Variants in ARHGEF28 observed in about 807,000 individuals in gnomAD.
ARHGEF28 encodes Rho guanine nucleotide exchange factor 28.
Under a neutral mutation model 206.6 loss-of-function variants are expected in ARHGEF28, and 152 were observed. The observed-to-expected ratio is 0.74, with a 90% CI of 0.64 to 0.84. ARHGEF28 has a LOEUF of 0.84. ARHGEF28 is among the 40% of genes least tolerant of loss of function. The pLI, the probability that ARHGEF28 is intolerant of heterozygous loss-of-function variation, is 0.00. For synonymous variants in ARHGEF28, 763 were observed against 776.4 expected (o/e 0.98, Z 0.29); for missense variants, 2,028 against 2,073.2 (o/e 0.98, Z 0.42).
rs548299111 is a variant in ARHGEF28, at chr5:73,838,783, C to A, written c.1147-1697C>A. ...ACATGGATAGTTTCTTACGTAAGCA[C>A]AGTACAGTTACCAAAATCATAAAAT... is the stretch of plus-strand genomic sequence containing the variant. On this transcript the variant is annotated intron_variant, in intron 10 of 35. Coordinates refer to ENST00000513042, the MANE Select transcript of ARHGEF28 (RefSeq NM_001177693.2). Among the ~76,000 whole-genome samples the A allele has an allele frequency of 1.8e-4, 28 of 152,268 alleles. No homozygotes were observed. In the Middle Eastern group the frequency reaches 0.014, roughly 74 times the overall value.
At chr5:73,868,859 C>T (rs1285413382) in intron 20 of ARHGEF28, among the ~76,000 whole-genome samples, 1 of 152,186 alleles carries the variant, frequency 6.6e-6, no homozygotes, top group Admixed American at 6.5e-5. Context: ...ATTGGCCAGG[C>T]TGGTCTTGAA....
chr5:73,880,509 G>T (rs982507128), intron 22 of ARHGEF28, among the ~76,000 whole-genome samples: 5 of 152,210 alleles, frequency 3.3e-5, no homozygotes, highest in African/African-American at 1.2e-4. Flanking sequence ...GAAATCACCC[G>T]TCTTCTGCGT....
At chr5:73,716,585 G>C (rs933260152) in intron 2 of ARHGEF28, among the ~76,000 whole-genome samples, 3 of 152,176 alleles carry the variant, frequency 2.0e-5, no homozygotes, top group African/African-American at 7.2e-5. Flanking sequence ...CTGAGCTCAG[G>C]CCACTGTGTG....
intron 9 of ARHGEF28, among the ~76,000 whole-genome samples, chr5:73,808,380 A>G (rs1755638669): frequency 6.6e-6 from 1 of 152,202 alleles, no homozygotes; most frequent in South Asian, 2.1e-4. Context: ...TGTTTCTACC[A>G]TGCTTCTCAG....
chr5:73,920,467 T>C (rs1412965816), intron 35 of ARHGEF28, among the ~76,000 whole-genome samples: 1 of 152,098 alleles, frequency 6.6e-6, no homozygotes, highest in Non-Finnish European at 1.5e-5. Flanking sequence ...CTTGGATACG[T>C]GTGCAGAACA....
chr5:73,703,659 G>GTA (rs1383507971), intron 2 of ARHGEF28, among the ~76,000 whole-genome samples: 1 of 148,308 alleles, frequency 6.7e-6, no homozygotes, highest in Admixed American at 6.7e-5. Context: ...GTGTGTGTGT[G>GTA]TGTGTGTGTG....
chr5:73,762,697 T>TG (rs1261677618), intron 4 of ARHGEF28, among the ~76,000 whole-genome samples: 1 of 152,184 alleles, frequency 6.6e-6, no homozygotes, highest in Non-Finnish European at 1.5e-5. Context: ...TTGATTTTTT[T>TG]TTGTTGTTGG....
At position 73,882,490 on chromosome 5, in the gene ARHGEF28, A is replaced by C. The variant is rs1246369560; in HGVS notation, c.2833A>C (p.Ser945Arg). Residue 945 changes from serine (S) to arginine (R), a missense_variant, in exon 23 of 36, where the codon AGT (serine) becomes CGT (arginine). Around this residue, in one of 3 missense-constraint regions of ARHGEF28, gnomAD observed 223 missense variants for 289.9 expected, o/e 0.77. Coordinates refer to ENST00000513042, the MANE Select transcript of ARHGEF28 (RefSeq NM_001177693.2). ...CTTCCAGTTTTCAGAAGAAAATGCAAGTAAAATGAAGAAAATATATGGAGA... is the reference window on the plus strand; with the variant it reads ...CTTCCAGTTTTCAGAAGAAAATGCACGTAAAATGAAGAAAATATATGGAGA... ...LVQQFSEENASKMKKIYGEFC... is the reference protein window; with the variant it reads ...LVQQFSEENARKMKKIYGEFC... 6.9e-7 allele frequency: 1 copy of C among 1,455,306 alleles called. No individual in the cohort carries two copies. Among genetic ancestry groups the C allele is most frequent in the Admixed American group, 2.6e-5 (1 of 37,992 alleles). 90.1% of individuals were successfully genotyped at this position (1,455,306 alleles called of 1,614,324 possible). A position where few individuals can be genotyped will look rare whatever the true frequency, so the allele number is the denominator to read the frequency against.
rs774247745 is a variant in ARHGEF28 at position 73,876,014 on chromosome 5, A to G, written c.2814+2768A>G. 1.9e-3 allele frequency among the ~76,000 whole-genome samples: 283 copies of G among 150,008 alleles called. 1 individual carries two copies. In the Middle Eastern group the frequency reaches 0.051, roughly 27 times the overall value. On this transcript the variant is annotated intron_variant, in intron 22 of 35. Transcript: ENST00000513042. ...GAATCTATAAATTACCTTGGGCAGT[A>G]TGGCCATTTTCACGATATTGATTCT...
intron 7 of ARHGEF28, among the ~76,000 whole-genome samples, chr5:73,790,023 A>G (rs1754379224): frequency 6.6e-6 from 1 of 152,174 alleles, no homozygotes; most frequent in African/African-American, 2.4e-5. Context: ...TCCGGTAGAA[A>G]AGTTTTCACA....
At chr5:73,875,459 AT>A (rs1760404864) in intron 22 of ARHGEF28, among the ~76,000 whole-genome samples, 2 of 147,626 alleles carry the variant, frequency 1.4e-5, no homozygotes, top group South Asian at 4.3e-4. Flanking sequence ...TTTTGTTGCC[AT>A]TGCTTTTGGT....
At chr5:73,764,576 G>A (rs1019431417) in intron 4 of ARHGEF28, among the ~76,000 whole-genome samples, 6 of 152,174 alleles carry the variant, frequency 3.9e-5, no homozygotes, top group African/African-American at 9.7e-5. Flanking sequence ...ATTTTCAGCC[G>A]GAGGTGGTTG....
intron 31 of ARHGEF28, chr5:73,903,338 ATCGAG>A (rs1387362640): frequency 6.6e-6 from 1 of 152,310 alleles, no homozygotes; most frequent in Non-Finnish European, 1.5e-5. Context: ...ATGGCGTGCC[ATCGAG>A]TTCAACTGGG....
intron 1 of ARHGEF28, 125 bp from the exon 2 acceptor site, chr5:73,684,716 C>T: frequency 1.6e-6 from 1 of 617,634 alleles, no homozygotes; most frequent in Non-Finnish European, 2.7e-6. Context: ...CATATTTTGT[C>T]TCTGCAGTTT....
intron 1 of ARHGEF28, among the ~76,000 whole-genome samples, chr5:73,642,176 T>A (rs1744156932): frequency 6.6e-6 from 1 of 152,198 alleles, no homozygotes; most frequent in Non-Finnish European, 1.5e-5. Flanking sequence ...TGATCTGAAA[T>A]TTTTCCTGCC....
chr5:73,868,574 A>T (rs755972718), intron 20 of ARHGEF28, among the ~76,000 whole-genome samples: 39 of 152,242 alleles, frequency 2.6e-4, no homozygotes, highest in Non-Finnish European at 4.8e-4. Context: ...TATCAAAAAC[A>T]TACTTTAGTT....
intron 4 of ARHGEF28, among the ~76,000 whole-genome samples, chr5:73,767,036 G>A (rs191412104): frequency 6.6e-6 from 1 of 152,290 alleles, no homozygotes; most frequent in East Asian, 1.9e-4. Flanking sequence ...TGAGTCTCAT[G>A]AGATCTGATG....
intron 9 of ARHGEF28, among the ~76,000 whole-genome samples, chr5:73,799,297 A>T (rs1436778593): frequency 6.6e-6 from 1 of 152,202 alleles, no homozygotes. Flanking sequence ...CCAATTGCAA[A>T]CAAAGATGCA....
Position 73,774,049 on chromosome 5 carries a change from C to G in ARHGEF28, c.659+11C>G. 6.4e-7 allele frequency: 1 copy of G among 1,571,168 alleles called. No individual in the cohort carries two copies. The highest frequency in any genetic ancestry group is 8.6e-7 in the Non-Finnish European group (1 of 1,157,290). On this transcript the variant is annotated intron_variant, in intron 5 of 35. Transcript: ENST00000513042. ...GGAAGACGTCACAAAGTGAGTTTAG[C>G]TACTTGATAGTCTCTCTCTTATTTG...
Sources: gnomAD v4.1 joint callset for allele counts (sites outside exome capture counted in the v4.1 genomes callset) on GRCh38, gnomAD v4.1.1 for gene constraint, gnomAD v4.1.1 regional missense constraint, MANE v1.5 for transcripts, NCBI Gene and HGNC (gene_info 2026-07-23, HGNC 2026-07-21) for gene names.